The following EHD4 variants were observed in gnomAD, a reference collection of about 807,000 sequenced individuals.
The protein encoded by EHD4 is EH domain-containing protein 4.
EHD4 carries 37 observed loss-of-function variants against 51.0 expected under a neutral mutation model. The ratio of observed to expected loss-of-function variants is 0.73; its 90% confidence interval spans 0.56 to 0.95. The LOEUF (loss-of-function observed/expected upper bound fraction) is 0.95, where lower values mean the gene tolerates loss of function less well. Among genes scored for constraint, EHD4 ranks in the 40% least tolerant of loss-of-function variants. The pLI is 0.00. For synonymous variants in EHD4, 297 were observed against 317.3 expected (o/e 0.94, Z 0.68); for missense variants, 632 against 733.1 (o/e 0.86, Z 1.59).
At chr15:41,933,445 C>T (rs2067711876) in intron 3 of EHD4, among the ~76,000 whole-genome samples, 2 of 152,258 alleles carry the variant, frequency 1.3e-5, no homozygotes, top group Middle Eastern at 3.4e-3. Flanking sequence ...AGTACCTTCC[C>T]CTGTTTTAGA....
At chr15:41,965,763 T>G (rs1380702371) in intron 1 of EHD4, among the ~76,000 whole-genome samples, 1 of 152,204 alleles carries the variant, frequency 6.6e-6, no homozygotes, top group Non-Finnish European at 1.5e-5. Context: ...AGCTTCTGAA[T>G]GTGAGTTAGG....
intron 3 of EHD4, among the ~76,000 whole-genome samples, chr15:41,935,184 G>A (rs1439047452): frequency 6.6e-6 from 1 of 152,154 alleles, no homozygotes; most frequent in Non-Finnish European, 1.5e-5. Context: ...TTTACGTCCA[G>A]CCTAAATGCC....
intron 1 of EHD4, among the ~76,000 whole-genome samples, chr15:41,966,450 G>A (rs184391509): frequency 2.0e-5 from 3 of 152,110 alleles, no homozygotes; most frequent in Admixed American, 6.6e-5. Flanking sequence ...CCAGCTCTCA[G>A]GCCACGTGGT....
At chr15:41,905,641 G>A (rs973349462) in intron 5 of EHD4, among the ~76,000 whole-genome samples, 1 of 152,120 alleles carries the variant, frequency 6.6e-6, no homozygotes, top group Non-Finnish European at 1.5e-5. Context: ...CCTTACAGTG[G>A]GGTTGCTGTC....
Position 41,903,023 on chromosome 15 carries a change from G to A in EHD4, c.1090-1842C>T, listed in dbSNP as rs917195774. 2.0e-5 allele frequency among the ~76,000 whole-genome samples: 3 copies of A among 151,618 alleles called. No individual in the cohort carries two copies. The East Asian group carries it at 5.8e-4, about 29-fold the overall frequency. On this transcript the variant is annotated intron_variant, in intron 5 of 5. Coordinates refer to ENST00000220325, the MANE Select transcript of EHD4 (RefSeq NM_139265.4). ...CAAACTTTCTGTGGCTCTGAACTGC[G>A]AGAGTTACCTAGAGCTTTACATGAC...
At chr15:41,955,587 G>A (rs1358216793) in intron 1 of EHD4, among the ~76,000 whole-genome samples, 1 of 152,144 alleles carries the variant, frequency 6.6e-6, no homozygotes, top group East Asian at 1.9e-4. Flanking sequence ...GGGCTCAGGA[G>A]GTGCTACCGT....
At chr15:41,964,707 C>A (rs1164087354) in intron 1 of EHD4, among the ~76,000 whole-genome samples, 1 of 150,864 alleles carries the variant, frequency 6.6e-6, no homozygotes, top group East Asian at 1.9e-4. Flanking sequence ...TTTGGAATAA[C>A]TGTCCTAAAA....
intron 3 of EHD4, among the ~76,000 whole-genome samples, chr15:41,935,309 G>T (rs984288492): frequency 2.6e-5 from 4 of 152,098 alleles, no homozygotes; most frequent in African/African-American, 7.2e-5. Flanking sequence ...TATGCTTCAT[G>T]AAGGCAGCCA....
In EHD4 at chr15:41,900,439, A is replaced by G; in HGVS notation, c.*206T>C. 1 of 601,500 alleles carries G rather than the reference A, an allele frequency of 1.7e-6. No homozygotes were observed. Among genetic ancestry groups the G allele is most frequent in the South Asian group, 2.2e-5 (1 of 45,938 alleles). 37.3% of individuals were successfully genotyped at this position (601,500 alleles called of 1,614,324 possible). On this transcript the variant is annotated 3_prime_UTR_variant, in exon 6 of 6. Transcript: ENST00000220325. The surrounding 1 kb of genome is among the most constrained non-coding windows in gnomAD (Gnocchi z 4.8). ...CTTCAATCTCCTAATCCACCCCCCT[A>G]CCCCCAATATTTTCATAGAAACTAA...
At chr15:41,947,408 T>A (rs200815438) in intron 2 of EHD4, among the ~76,000 whole-genome samples, 1 of 152,100 alleles carries the variant, frequency 6.6e-6, no homozygotes, top group African/African-American at 2.4e-5. Flanking sequence ...TCTCTAAACC[T>A]CTCTGAGCAA....
At chr15:41,905,698 GTCTCC>G (rs1435167002) in intron 5 of EHD4, among the ~76,000 whole-genome samples, 1 of 152,078 alleles carries the variant, frequency 6.6e-6, no homozygotes, top group African/African-American at 2.4e-5. Context: ...TTTTGACAGG[GTCTCC>G]TCTGTCGCCC....
intron 4 of EHD4, among the ~76,000 whole-genome samples, chr15:41,914,556 G>A (rs1372770492): frequency 1.3e-5 from 2 of 152,084 alleles, no homozygotes; most frequent in Non-Finnish European, 2.9e-5. Flanking sequence ...GGAGGGGGCT[G>A]CACACTTGTC....
intron 3 of EHD4, chr15:41,921,289 G>C (rs529449717): frequency 1.3e-5 from 2 of 152,322 alleles, no homozygotes; most frequent in East Asian, 1.9e-4. Context: ...TGGGGATAAG[G>C]AAGACAAAGG....
intron 4 of EHD4, among the ~76,000 whole-genome samples, chr15:41,910,280 C>T (rs2067540521): frequency 1.3e-5 from 2 of 152,154 alleles, no homozygotes; most frequent in African/African-American, 2.4e-5. Flanking sequence ...ACCCAGTGAA[C>T]GATGAGATGA....
intron 3 of EHD4, among the ~76,000 whole-genome samples, chr15:41,932,609 T>C (rs998040184): frequency 6.6e-6 from 1 of 152,108 alleles, no homozygotes; most frequent in African/African-American, 2.4e-5. Flanking sequence ...TATCCCTAGA[T>C]ACAAGAAAGA....
intron 5 of EHD4, 86 bp from the exon 6 acceptor site, chr15:41,901,267 GC>G: frequency 1.4e-6 from 2 of 1,426,144 alleles, no homozygotes; most frequent in East Asian, 2.3e-5. Context: ...GACTAATTCT[GC>G]CCCAGGCAGA....
At chr15:41,906,134 C>G (rs544240830) in intron 5 of EHD4, among the ~76,000 whole-genome samples, 1 of 152,338 alleles carries the variant, frequency 6.6e-6, no homozygotes, top group African/African-American at 2.4e-5. Context: ...CAAGTCAAAT[C>G]CATGGACTGG....
rs148466470 is a variant in EHD4, at chr15:41,902,397, G to A, written c.1090-1216C>T. 1.1e-3 allele frequency among the ~76,000 whole-genome samples: 173 copies of A among 151,936 alleles called. 1 individual carries two copies. The highest frequency in any genetic ancestry group is 4.0e-3 in the African/African-American group (166 of 41,398). Reference sequence around the variant, plus strand: ...AATTCATCCATCCATCCACCTACCCGACCAACTTTTATTTGTCATTTACTC... The same window carrying A: ...AATTCATCCATCCATCCACCTACCCAACCAACTTTTATTTGTCATTTACTC... On this transcript the variant is annotated intron_variant, in intron 5 of 5. Coordinates refer to ENST00000220325, the MANE Select transcript of EHD4 (RefSeq NM_139265.4).
At chr15:41,938,083 T>C (rs937913035) in intron 3 of EHD4, among the ~76,000 whole-genome samples, 1 of 152,230 alleles carries the variant, frequency 6.6e-6, no homozygotes, top group African/African-American at 2.4e-5. Context: ...GAAACAAAGT[T>C]TGGATCGTGC....
Sources: allele counts gnomAD v4.1 joint callset (sites outside exome capture counted in the v4.1 genomes callset), GRCh38; gene constraint gnomAD v4.1.1; non-coding constraint Gnocchi (gnomAD v3.1); transcripts MANE v1.5; gene names NCBI Gene and HGNC (gene_info 2026-07-23, HGNC 2026-07-21).